PLSCR2: variants seen among roughly 807,000 people sequenced by gnomAD.
The protein encoded by PLSCR2 is PL scramblase 2.
Under a neutral mutation model 25.3 loss-of-function variants are expected in PLSCR2, and 18 were observed. That is an observed-to-expected ratio of 0.71 (90% CI 0.49 to 1.06). The LOEUF is 1.06. Among genes scored for constraint, PLSCR2 ranks in the 50% least tolerant of loss-of-function variants. PLSCR2 has a pLI of 0.00. For synonymous variants in PLSCR2, 88 were observed against 87.3 expected (o/e 1.01, Z -0.04); for missense variants, 243 against 269.5 (o/e 0.90, Z 0.69).
At chr3:146,407,723 G>A (rs147092596) in intron 2 of PLSCR2, among the ~76,000 whole-genome samples, 19 of 152,162 alleles carry the variant, frequency 1.2e-4, no homozygotes, top group Admixed American at 6.5e-4. Context: ...TTACCTCATC[G>A]GAGAGCCTGA....
intron 2 of PLSCR2, among the ~76,000 whole-genome samples, chr3:146,405,737 G>T (rs2038641360): frequency 6.6e-6 from 1 of 152,200 alleles, no homozygotes; most frequent in East Asian, 1.9e-4. Context: ...GATGGGGAGG[G>T]GTCTGGCCAA....
chr3:146,456,685 G>A (rs929014033), intron 3 of PLSCR2, among the ~76,000 whole-genome samples: 6 of 152,048 alleles, frequency 3.9e-5, no homozygotes, highest in Admixed American at 2.0e-4. Flanking sequence ...CTTTTCAGTC[G>A]TGGTAAGGTA....
At chr3:146,469,395 G>T in intron 1 of PLSCR2, 100 bp downstream of exon 1, 1 of 920,866 alleles carries the variant, frequency 1.1e-6, no homozygotes, top group Non-Finnish European at 1.3e-6. Context: ...CCCTTGCCCC[G>T]CCCTCTGACG....
At chr3:146,471,390 G>T (rs1003728477) in intron 1 of PLSCR2, among the ~76,000 whole-genome samples, 1 of 152,034 alleles carries the variant, frequency 6.6e-6, no homozygotes, top group Non-Finnish European at 1.5e-5. Context: ...GATTCTGATT[G>T]TTAATGAGAT....
At chr3:146,398,334 T>C (rs1488844918) in intron 2 of PLSCR2, among the ~76,000 whole-genome samples, 1 of 151,794 alleles carries the variant, frequency 6.6e-6, no homozygotes, top group Non-Finnish European at 1.5e-5. Context: ...AACATTAATA[T>C]AACACATTAT....
chr3:146,415,194 G>C (rs2038970359), intron 2 of PLSCR2: 1 of 152,516 alleles, frequency 6.6e-6, no homozygotes, highest in Non-Finnish European at 1.5e-5. Flanking sequence ...AAAGAAGGTG[G>C]TTATGAAGTA....
intron 1 of PLSCR2, among the ~76,000 whole-genome samples, chr3:146,493,793 T>TTTG (rs1560066177): frequency 1.3e-5 from 2 of 148,978 alleles, no homozygotes; most frequent in African/African-American, 4.9e-5. Flanking sequence ...GTTTTTTTTT[T>TTTG]TTTTTTTTTT....
chr3:146,469,656 C>A (rs897425577), intron 1 of PLSCR2, 95 bp from the exon 1 acceptor site: 1 of 762,024 alleles, frequency 1.3e-6, no homozygotes, highest in African/African-American at 1.9e-5. Flanking sequence ...CCTGCAGCAG[C>A]CCCTAGTTTA....
At chr3:146,449,504 A>G in intron 5 of PLSCR2, 137 bp from the exon 6 acceptor site, 2 of 524,184 alleles carry the variant, frequency 3.8e-6, no homozygotes, top group Non-Finnish European at 3.3e-6. Flanking sequence ...AATATGTTAT[A>G]TTAGATGCAT....
chr3:146,462,009 G>A (rs2041606851), upstream of PLSCR2: 8 of 820,712 alleles, frequency 9.7e-6, no homozygotes, highest in Non-Finnish European at 1.3e-5. Flanking sequence ...GTATTATAGG[G>A]AGGAAATTAA....
downstream of PLSCR2, among the ~76,000 whole-genome samples, chr3:146,437,904 G>A (rs1041139370): frequency 3.9e-5 from 6 of 151,936 alleles, no homozygotes; most frequent in African/African-American, 7.3e-5. Flanking sequence ...TTCTCTTGTG[G>A]GCATTTAGTG....
upstream of PLSCR2, among the ~76,000 whole-genome samples, chr3:146,463,547 C>G (rs2041724833): frequency 6.6e-6 from 1 of 152,192 alleles, no homozygotes; most frequent in South Asian, 2.1e-4. Flanking sequence ...CTAGTCTTTC[C>G]CACTGCTATC....
chr3:146,407,236 C>T (rs927869977), intron 2 of PLSCR2, among the ~76,000 whole-genome samples: 1 of 152,162 alleles, frequency 6.6e-6, no homozygotes, highest in African/African-American at 2.4e-5. Context: ...TACTGACTGA[C>T]TGAGCTATGG....
At chr3:146,475,866 C>T (rs1268853626) in intron 1 of PLSCR2, among the ~76,000 whole-genome samples, 1 of 152,118 alleles carries the variant, frequency 6.6e-6, no homozygotes, top group African/African-American at 2.4e-5. Context: ...CAGGTCTTTT[C>T]TGGGTATGTG....
chr3:146,469,536 G>A, intron 1 of PLSCR2: 4 of 985,432 alleles, frequency 4.1e-6, no homozygotes, highest in Non-Finnish European at 3.6e-6. Flanking sequence ...AGCGAGCCGA[G>A]GTCCTAGCGT....
At position 146,491,012 on chromosome 3, in the gene PLSCR2, C is replaced by G. The variant is rs1269993911; in HGVS notation, c.-293+4883G>C. Among the ~76,000 whole-genome samples, 4 of 152,062 alleles carry G rather than the reference C, an allele frequency of 2.6e-5. No homozygotes were observed. In the East Asian group the frequency reaches 7.7e-4, roughly 29 times the overall value. ...TTCTTTTGATTCCATGTTTAGCACT[C>G]CCTTAAAGACTTCTTGTAAGGCAGG... On this transcript the variant is annotated intron_variant, in intron 1 of 8. Transcript: ENST00000336685.
intron 1 of PLSCR2, among the ~76,000 whole-genome samples, chr3:146,469,954 G>C (rs1489276761): frequency 2.0e-5 from 3 of 152,088 alleles, no homozygotes; most frequent in Non-Finnish European, 4.4e-5. Context: ...ATCATCAGGC[G>C]GGGAGTGGCC....
chr3:146,493,626 AT>A (rs2043632421), intron 1 of PLSCR2, among the ~76,000 whole-genome samples: 1 of 152,104 alleles, frequency 6.6e-6, no homozygotes, highest in Non-Finnish European at 1.5e-5. Flanking sequence ...GTGAAAGAAT[AT>A]ACCTCAAAAT....
intron 1 of PLSCR2, 32 bp downstream of exon 1, chr3:146,469,463 T>G (rs913359311): frequency 3.1e-6 from 3 of 952,942 alleles, no homozygotes. Context: ...CCCAGTCCCA[T>G]AGGGAGGCGA....
Sources: allele counts gnomAD v4.1 joint callset (sites outside exome capture counted in the v4.1 genomes callset), GRCh38; gene constraint gnomAD v4.1.1; transcripts MANE v1.5; gene names NCBI Gene and HGNC (gene_info 2026-07-23, HGNC 2026-07-21).